ERBIN: variants seen among roughly 807,000 people sequenced by gnomAD.
The protein encoded by ERBIN is densin-180-like protein.
A neutral mutation model predicts 158.4 loss-of-function variants in ERBIN; 60 were observed. The ratio of observed to expected loss-of-function variants is 0.38; its 90% CI spans 0.31 to 0.47. The LOEUF (loss-of-function observed/expected upper bound fraction) is 0.47. ERBIN is among the 20% of genes least tolerant of loss of function. ERBIN has a pLI of 0.99. For synonymous variants in ERBIN, 594 were observed against 557.2 expected, an observed-to-expected ratio of 1.07 and a Z score of -0.93; for missense variants, 1,610 against 1,648.0, an observed-to-expected ratio of 0.98 and a Z score of 0.40.
rs1314075266 is a variant in ERBIN, at chr5:66,024,299, C to T, written c.673-7C>T. 1 of 1,469,640 alleles carries T rather than the reference C, an allele frequency of 6.8e-7. No homozygotes were observed. Among genetic ancestry groups the T allele is most frequent in the Middle Eastern group, 2.1e-4 (1 of 4,752 alleles). 91.0% of individuals were successfully genotyped at this position (1,469,640 alleles called of 1,614,324 possible). On this transcript the variant is annotated splice_region_variant and splice_polypyrimidine_tract_variant and intron_variant, in intron 9 of 25. Transcript: ENST00000284037. ...AGAGTCATTAGATTTTCTTTTTTTA[C>T]TTATAGTTTATTGGTAGTTTGAAAC...
intron 20 of ERBIN, among the ~76,000 whole-genome samples, chr5:66,052,629 T>C (rs1759162050): frequency 6.6e-6 from 1 of 152,190 alleles, no homozygotes; most frequent in African/African-American, 2.4e-5. Flanking sequence ...ATGAAAGTTA[T>C]CTTTTTTGTA....
chr5:65,965,382 G>T lies in ERBIN; in HGVS notation c.-57-23253G>T, dbSNP rs868252286. Among the ~76,000 whole-genome samples the T allele has an allele frequency of 7.3e-3, 704 of 95,976 alleles. 4 individuals are homozygous for T. Among genetic ancestry groups the T allele is most frequent in the Admixed American group, 0.022 (184 of 8,184 alleles). 63.0% of individuals were successfully genotyped at this position (95,976 alleles called of 152,430 possible). A position where few individuals can be genotyped will look rare whatever the true frequency, so the allele number is the denominator to read the frequency against. Reference sequence around the variant, plus strand: ...GTTCTTACCAGATTTGTTTTTTGTTGTTTTTTTTTTTTTTTTTTTTTTTTT... The same window carrying T: ...GTTCTTACCAGATTTGTTTTTTGTTTTTTTTTTTTTTTTTTTTTTTTTTTT... On this transcript the variant is annotated intron_variant, in intron 1 of 25. Coordinates refer to ENST00000284037, the MANE Select transcript of ERBIN (RefSeq NM_001253697.2).
At chr5:66,034,606 CTTT>C (rs79537769) in intron 14 of ERBIN, among the ~76,000 whole-genome samples, 1 of 142,118 alleles carries the variant, frequency 7.0e-6, no homozygotes. Flanking sequence ...TTCTTGAATC[CTTT>C]TTTTTTTTTT....
chr5:65,940,103 A>G (rs1335229181), intron 1 of ERBIN, among the ~76,000 whole-genome samples: 1 of 144,624 alleles, frequency 6.9e-6, no homozygotes, highest in Non-Finnish European at 1.5e-5. Context: ...GGAAGTGAGG[A>G]GCGCCTCTTC....
chr5:66,077,789 CACACAT>C lies in ERBIN; in HGVS notation c.4132-628_4132-623del, dbSNP rs1279168207. ...ACACACACACACACACACACACACA[CACACAT>C]ACACACACACACACAGTCACACTCA... On this transcript the variant is annotated intron_variant, in intron 25 of 25. Transcript: ENST00000284037. Among the ~76,000 whole-genome samples, 17 of 131,922 alleles carry C rather than the reference CACACAT, an allele frequency of 1.3e-4. No homozygotes were observed. In the East Asian group the frequency reaches 2.6e-3, roughly 20 times the overall value. 86.5% of individuals were successfully genotyped at this position (131,922 alleles called of 152,430 possible).
At chr5:65,932,432 T>G (rs1266412340) in intron 1 of ERBIN, among the ~76,000 whole-genome samples, 1 of 152,182 alleles carries the variant, frequency 6.6e-6, no homozygotes, top group Non-Finnish European at 1.5e-5. Context: ...AGGTGTTAGC[T>G]GTTGCAACCA....
intron 10 of ERBIN, 156 bp from the exon 11 acceptor site, chr5:66,025,324 T>A: frequency 1.5e-6 from 1 of 663,792 alleles, no homozygotes; most frequent in Admixed American, 2.6e-5. Flanking sequence ...GATGAGGGAA[T>A]AGAACATTGG....
chr5:66,009,484 C>T (rs1342735779), intron 4 of ERBIN, among the ~76,000 whole-genome samples: 3 of 152,032 alleles, frequency 2.0e-5, no homozygotes, highest in Admixed American at 2.0e-4. Context: ...TAAATAAAAC[C>T]TAGCAATAAT....
At chr5:66,041,359 T>C (rs1055331995) in intron 15 of ERBIN, among the ~76,000 whole-genome samples, 6 of 152,110 alleles carry the variant, frequency 3.9e-5, no homozygotes, top group African/African-American at 1.4e-4. Flanking sequence ...CAAGGAATTA[T>C]AAAGTTGTAG....
Position 65,992,906 on chromosome 5 carries a change from A to G in ERBIN, c.188A>G (p.Lys63Arg). The G allele has an allele frequency of 6.3e-7, 1 of 1,575,516 alleles. No individual in the cohort carries two copies. Among genetic ancestry groups the G allele is most frequent in the Non-Finnish European group, 8.6e-7 (1 of 1,164,304 alleles). The change falls in exon 3 of 26, where the codon AAG (lysine) becomes AGG (arginine). Residue 63 changes from lysine (K) to arginine (R), a missense_variant and splice_region_variant. Physicochemically the swap from Lys to Arg is conservative, Grantham distance 26. Coordinates refer to ENST00000284037, the MANE Select transcript of ERBIN (RefSeq NM_001253697.2). ...GCTAATCAGATTGAAGAGCTTCCAA[A>G]GGTATGCTAATACTTTCTTTCAAGA... ...LDANQIEELP[K>R]QLFNCQSLHK...
At position 65,940,694 on chromosome 5, in the gene ERBIN, G is replaced by C. The variant is rs1744862427; in HGVS notation, c.-58+13888G>C. 2.1e-5 allele frequency among the ~76,000 whole-genome samples: 3 copies of C among 145,092 alleles called. No homozygotes were observed. In the South Asian group the frequency reaches 6.5e-4, roughly 31 times the overall value. ...AGCCGCCCGGTCCGGGAGGGAGGTG[G>C]GGGGGTCAGCCCCCCGCCCGGCCAG... On this transcript the variant is annotated intron_variant, in intron 1 of 25. Transcript: ENST00000284037.
At chr5:66,034,574 A>C (rs978340411) in intron 14 of ERBIN, among the ~76,000 whole-genome samples, 2 of 150,676 alleles carry the variant, frequency 1.3e-5, no homozygotes, top group African/African-American at 4.9e-5. Flanking sequence ...GGCGTGAGCC[A>C]CCAAGCACAA....
intron 1 of ERBIN, among the ~76,000 whole-genome samples, chr5:65,950,181 A>G (rs1040083955): frequency 3.8e-4 from 57 of 151,276 alleles, no homozygotes; most frequent in African/African-American, 1.2e-3. Flanking sequence ...AATTTTTTGT[A>G]TGTTTAGTAG....
chr5:65,963,926 A>C (rs991088763), intron 1 of ERBIN, among the ~76,000 whole-genome samples: 3 of 151,622 alleles, frequency 2.0e-5, no homozygotes, highest in African/African-American at 7.3e-5. Context: ...CAGCTTCCCG[A>C]GTAGCTGGGA....
At position 66,066,367 on chromosome 5, in the gene ERBIN, G is replaced by A. The variant is rs139040775; in HGVS notation, c.3634-5802G>A. 1.6e-3 allele frequency among the ~76,000 whole-genome samples: 242 copies of A among 151,854 alleles called. 1 individual carries two copies. Among genetic ancestry groups the A allele is most frequent in the African/African-American group, 5.5e-3 (229 of 41,396 alleles). ...AGACATTTAAAAATTTTACCCTGGG[G>A]GCTTTCACAGTGCCTGCCCTACCTC... On this transcript the variant is annotated intron_variant, in intron 21 of 25. Coordinates refer to ENST00000284037, the MANE Select transcript of ERBIN (RefSeq NM_001253697.2).
At chr5:66,076,225 G>T in intron 23 of ERBIN, 91 bp from the exon 24 acceptor site, 2 of 901,678 alleles carry the variant, frequency 2.2e-6, no homozygotes, top group Non-Finnish European at 1.8e-6. Context: ...ATGTTTGCTT[G>T]GACTTAACCA....
At chr5:66,018,494 A>ATATAT (rs1755133513) in intron 7 of ERBIN, among the ~76,000 whole-genome samples, 1 of 4,000 alleles carries the variant, frequency 2.5e-4, no homozygotes, top group Non-Finnish European at 4.8e-4. Flanking sequence ...ATATTATATT[A>ATATAT]TATAATATAT....
At chr5:66,070,202 A>G (rs190803115) in intron 21 of ERBIN, among the ~76,000 whole-genome samples, 2 of 151,694 alleles carry the variant, frequency 1.3e-5, no homozygotes, top group East Asian at 3.9e-4. Context: ...GCACCACCAC[A>G]CCCGGCTAAT....
At position 66,058,347 on chromosome 5, in the gene ERBIN, G is replaced by A. The variant is rs1368719329; in HGVS notation, c.3633+3396G>A. Among the ~76,000 whole-genome samples, 80 of 152,186 alleles carry A rather than the reference G, an allele frequency of 5.3e-4. 1 individual carries two copies. Among genetic ancestry groups the A allele is most frequent in the Non-Finnish European group, 1.2e-4 (8 of 68,030 alleles). ...CTGCATAAGTGTCTTCTTTTGAGAA[G>A]TGTCTGTTCATATGCTTTGCCTACT... On this transcript the variant is annotated intron_variant, in intron 21 of 25. Transcript: ENST00000284037.
Sources: gnomAD v4.1 joint callset for allele counts (sites outside exome capture counted in the v4.1 genomes callset) on GRCh38, gnomAD v4.1.1 for gene constraint, MANE v1.5 for transcripts, NCBI Gene and HGNC (gene_info 2026-07-23, HGNC 2026-07-21) for gene names.